The following MCM4 variants were observed in gnomAD, a reference collection of about 807,000 sequenced individuals.
MCM4 encodes the protein minichromosome maintenance complex component 4.
In MCM4, 60 loss-of-function variants were observed where a neutral mutation model predicts 88.7. The ratio of observed to expected loss-of-function variants is 0.68; its 90% CI spans 0.55 to 0.84. The LOEUF (loss-of-function observed/expected upper bound fraction) is 0.84. Among genes scored for constraint, MCM4 ranks in the 40% least tolerant of loss-of-function variants. The probability of loss-of-function intolerance (pLI) is 0.00; values close to 1 mark genes in which losing one functional copy is unlikely to be tolerated. For synonymous variants in MCM4, 465 were observed against 410.5 expected (o/e 1.13, Z -1.61); for missense variants, 1,149 against 1,105.5 (o/e 1.04, Z -0.56).
intron 5 of MCM4, 53 bp downstream of exon 5, chr8:47,962,459 C>T (rs1274454901): frequency 6.4e-7 from 1 of 1,557,780 alleles, no homozygotes; most frequent in African/African-American, 1.4e-5. Context: ...TGTTGGGAGA[C>T]CGTGTTTATA....
intron 14 of MCM4, 37 bp from the exon 15 acceptor site, chr8:47,974,697 A>T: frequency 6.5e-7 from 1 of 1,529,728 alleles, no homozygotes; most frequent in Non-Finnish European, 9.0e-7. Context: ...GTCACCAAGG[A>T]GGTTTGCTTT....
chr8:47,974,930 C>T lies in MCM4; in HGVS notation c.2333C>T (p.Thr778Ile), dbSNP rs752533055. ...AAGCAGTCTGCAACTGATCCCCGGACTGGCATCGTGGACATATCTATTCTT... is the reference window on the plus strand; with the variant it reads ...AAGCAGTCTGCAACTGATCCCCGGATTGGCATCGTGGACATATCTATTCTT... Reference protein sequence around the residue: ...ALKQSATDPRTGIVDISILTT... With the variant: ...ALKQSATDPRIGIVDISILTT... Residue 778 changes from threonine (T) to isoleucine (I), a missense_variant, in exon 15 of 17, where the codon ACT becomes ATT. Physicochemically the swap from Thr to Ile is moderately conservative, Grantham distance 89. Transcript: ENST00000649973. The T allele has an allele frequency of 1.2e-6, 2 of 1,614,188 alleles. No individual in the cohort carries two copies. The highest frequency in any genetic ancestry group is 1.1e-5 in the South Asian group (1 of 91,088).
Position 47,970,062 on chromosome 8 carries a change from CAG to C in MCM4, c.1434+6_1434+7del. On this transcript the variant is annotated splice_donor_region_variant and intron_variant, in intron 11 of 16. Transcript: ENST00000649973. Reference sequence around the variant, plus strand: ...GAACATGAAGATATAAAGAAGGTAACAGTGGATTTTAAACTAGGGGTTGGGAT... The same window carrying C: ...GAACATGAAGATATAAAGAAGGTAACTGGATTTTAAACTAGGGGTTGGGAT... 24 of 1,611,878 alleles carry C rather than the reference CAG, an allele frequency of 1.5e-5. No individual in the cohort carries two copies. The highest frequency in any genetic ancestry group is 2.0e-5 in the Non-Finnish European group (24 of 1,178,824).
intron 3 of MCM4, 75 bp from the exon 4 acceptor site, chr8:47,961,978 G>GTA (rs2090844857): frequency 1.5e-6 from 2 of 1,368,382 alleles, no homozygotes; most frequent in Non-Finnish European, 1.0e-6. Context: ...CGATTAGATG[G>GTA]TATAGATCAA....
intron 14 of MCM4, among the ~76,000 whole-genome samples, chr8:47,973,455 C>T (rs910821337): frequency 7.9e-5 from 12 of 151,958 alleles, no homozygotes; most frequent in Non-Finnish European, 1.5e-4. Flanking sequence ...GGATTGCAGG[C>T]GCAAGCCACC....
rs2090818129 is a variant in MCM4, at chr8:47,961,033, G to A, written c.-15+19G>A. 2 of 1,178,858 alleles carry A rather than the reference G, an allele frequency of 1.7e-6. No homozygotes were observed. Among genetic ancestry groups the A allele is most frequent in the Non-Finnish European group, 2.3e-6 (2 of 886,984 alleles). 73.0% of individuals were successfully genotyped at this position (1,178,858 alleles called of 1,614,324 possible). On this transcript the variant is annotated intron_variant, in intron 1 of 16. Transcript: ENST00000649973. ...TTCCACGGTAACCGCGCGCCGGCGG[G>A]GAGGGCGTGGCGCGGAGCCGACGGG... is the stretch of plus-strand genomic sequence containing the variant.
chr8:47,960,972 T>C lies in MCM4; in HGVS notation c.-57T>C, dbSNP rs1467240760. The C allele has an allele frequency of 4.8e-6, 3 of 624,950 alleles. No individual in the cohort carries two copies. The highest frequency in any genetic ancestry group is 7.5e-6 in the Non-Finnish European group (3 of 398,146). The allele number at this position is 624,950 out of a possible 1,614,324, so 38.7% of individuals were successfully genotyped here. On this transcript the variant is annotated 5_prime_UTR_variant, in exon 1 of 17. Coordinates refer to ENST00000649973, the MANE Select transcript of MCM4 (RefSeq NM_182746.3). Reference sequence around the variant, plus strand: ...TGGGAGCGCTACTCGCCAGGTGGACTCGGAGTCCGCGAGCGTCGTCGGCAA... The same window carrying C: ...TGGGAGCGCTACTCGCCAGGTGGACCCGGAGTCCGCGAGCGTCGTCGGCAA...
Position 47,961,661 on chromosome 8 carries a change from TCCC to T in MCM4, c.218_220del (p.Pro73del). On this transcript the variant is annotated inframe_deletion, in exon 3 of 17. Coordinates refer to ENST00000649973, the MANE Select transcript of MCM4 (RefSeq NM_182746.3). ...CGCAGGACGTGCTGTTTTCCAGCCC[TCCC>T]CAAATGCATTCTTCAGGTGCGTGTC... 1 of 1,610,780 alleles carries T rather than the reference TCCC, an allele frequency of 6.2e-7. No homozygotes were observed. Among genetic ancestry groups the T allele is most frequent in the Non-Finnish European group, 8.5e-7 (1 of 1,177,766 alleles).
In MCM4 at chr8:47,970,241, C is replaced by G. The variant is rs191899613; in HGVS notation, c.1434+184C>G. ...ATCATAGCATTGTCTATCCTCATCT[C>G]TGGTCTAAACTTAGGTTTCTAAACA... On this transcript the variant is annotated intron_variant, in intron 11 of 16. Transcript: ENST00000649973. 4.6e-5 allele frequency among the ~76,000 whole-genome samples: 7 copies of G among 152,350 alleles called. No homozygotes were observed. The East Asian group carries it at 1.3e-3, about 29-fold the overall frequency.
chr8:47,962,363 G>A lies in MCM4; in HGVS notation c.458G>A (p.Trp153Ter). The A allele has an allele frequency of 6.2e-7, 1 of 1,614,212 alleles. No individual in the cohort carries two copies. The highest frequency in any genetic ancestry group is 8.5e-7 in the Non-Finnish European group (1 of 1,180,044). The change falls in exon 5 of 17, where the codon TGG (tryptophan) becomes TAG (stop). Residue 153 changes from tryptophan (W) to a stop codon, truncating the protein, a stop_gained. Transcript: ENST00000649973. LOFTEE classifies it high-confidence loss of function. ...EQSLGQKLVI[W>*]GTDVNVAACK... Reference sequence around the variant, plus strand: ...TCTCTAGGCCAAAAACTTGTGATCTGGGGAACAGATGTAAATGTGGCAGCA... The same window carrying A: ...TCTCTAGGCCAAAAACTTGTGATCTAGGGAACAGATGTAAATGTGGCAGCA...
intron 16 of MCM4, among the ~76,000 whole-genome samples, chr8:47,976,084 G>C (rs1051188226): frequency 1.3e-4 from 20 of 152,238 alleles, no homozygotes; most frequent in Non-Finnish European, 2.9e-4. Context: ...CTTGCAGCCA[G>C]GAGTTTGAAA....
Position 47,966,404 on chromosome 8 carries a change from G to A in MCM4, c.1050G>A (p.Gln350=). 6.2e-7 allele frequency: 1 copy of A among 1,607,882 alleles called. No individual in the cohort carries two copies. The highest frequency in any genetic ancestry group is 8.5e-7 in the Non-Finnish European group (1 of 1,176,436). The change falls in exon 9 of 17, where the codon CAG becomes CAA. Residue 350 remains glutamine, a synonymous_variant. Transcript: ENST00000649973. ...ACCGCTCCCTCTTCTCTGACAAGCAGATGGTGCGCAGCCACCCTGGCCCCC... is the reference window on the plus strand; with the variant it reads ...ACCGCTCCCTCTTCTCTGACAAGCAAATGGTGCGCAGCCACCCTGGCCCCC... ...IHNRSLFSDK[Q]MIKLQESPED...
intron 13 of MCM4, among the ~76,000 whole-genome samples, chr8:47,972,235 CA>C (rs779237498): frequency 0.18 from 11,425 of 62,158 alleles, 380 homozygotes; most frequent in African/African-American, 0.3. Flanking sequence ...GACTCTGTCT[CA>C]AAAAAAAAAA....
chr8:47,966,375 C>A lies in MCM4; in HGVS notation c.1021C>A (p.His341Asn), dbSNP rs1439048779. ...CHTTHSMALI[H>N]NRSLFSDKQM... ...CACCACCCACAGCATGGCACTCATCCACAACCGCTCCCTCTTCTCTGACAA... is the reference window on the plus strand; with the variant it reads ...CACCACCCACAGCATGGCACTCATCAACAACCGCTCCCTCTTCTCTGACAA... Residue 341 changes from histidine (H) to asparagine (N), a missense_variant, in exon 9 of 17, where the codon CAC (histidine) becomes AAC (asparagine). Transcript: ENST00000649973. The A allele has an allele frequency of 6.2e-7, 1 of 1,612,854 alleles. No homozygotes were observed.
rs1056790 is a variant in MCM4 at position 47,961,641 on chromosome 8, G to C, written c.196G>C (p.Asp66His). Reference protein sequence around the residue: ...GVDLQSPAAQDVLFSSPPQMH... With the variant: ...GVDLQSPAAQHVLFSSPPQMH... ...GGACCTGCAGAGCCCTGCTGCGCAGGACGTGCTGTTTTCCAGCCCTCCCCA... is the reference window on the plus strand; with the variant it reads ...GGACCTGCAGAGCCCTGCTGCGCAGCACGTGCTGTTTTCCAGCCCTCCCCA... The change falls in exon 3 of 17, where the codon GAC (aspartate) becomes CAC (histidine). Residue 66 changes from aspartate (D) to histidine (H), a missense_variant. This residue lies in a region of MCM4 where 906 missense variants were observed against 843.0 expected (regional missense o/e 1.07). Transcript: ENST00000649973. 2 of 1,612,874 alleles carry C rather than the reference G, an allele frequency of 1.2e-6. No individual in the cohort carries two copies. The highest frequency in any genetic ancestry group is 4.5e-5 in the East Asian group (2 of 44,840).
intron 15 of MCM4, 40 bp from the exon 16 acceptor site, chr8:47,975,675 T>A (rs370599589): frequency 6.8e-7 from 1 of 1,469,844 alleles, no homozygotes; most frequent in African/African-American, 1.5e-5. Context: ...TTTCATTTCA[T>A]AATAGCAAAA....
At chr8:47,967,137 C>T (rs1034516095) in intron 9 of MCM4, among the ~76,000 whole-genome samples, 1 of 152,228 alleles carries the variant, frequency 6.6e-6, no homozygotes, top group Non-Finnish European at 1.5e-5. Flanking sequence ...AGCATCTCAG[C>T]TTCCCCCACC....
intron 15 of MCM4, chr8:47,975,192 T>C: frequency 2.3e-6 from 1 of 440,384 alleles, no homozygotes; most frequent in Non-Finnish European, 4.1e-6. Flanking sequence ...GTTTTTTTTT[T>C]TTATACTTTA....
intron 5 of MCM4, 70 bp downstream of exon 5, chr8:47,962,476 A>C: frequency 2.7e-6 from 4 of 1,485,888 alleles, no homozygotes; most frequent in Non-Finnish European, 3.7e-6. Context: ...TATAATCTAT[A>C]TCTAAGTAGC....
Sources: allele counts gnomAD v4.1 joint callset (sites outside exome capture counted in the v4.1 genomes callset), GRCh38; gene constraint gnomAD v4.1.1; regional missense constraint gnomAD v4.1.1; transcripts MANE v1.5; gene names NCBI Gene and HGNC (gene_info 2026-07-23, HGNC 2026-07-21).